The following GALNT17 variants were observed in gnomAD, a reference collection of about 807,000 sequenced individuals.
GALNT17 encodes the protein polypeptide N-acetylgalactosaminyltransferase 17, also known as UDP-GalNAc:polypeptide N-acetylgalactosaminyltransferase-like 3.
Under a neutral mutation model 63.7 loss-of-function variants are expected in GALNT17, and 29 were observed. The observed-to-expected ratio is 0.46, with a 90% CI of 0.34 to 0.62. GALNT17 has a LOEUF of 0.62. Among genes scored for constraint, GALNT17 ranks in the 20% least tolerant of loss-of-function variants. The pLI is 0.01. For missense variants in GALNT17, 603 were observed against 799.6 expected (o/e 0.75, Z 2.97); for synonymous variants, 305 against 318.3 (o/e 0.96, Z 0.45).
intron 9 of GALNT17, among the ~76,000 whole-genome samples, chr7:71,701,362 C>A (rs1413078382): frequency 6.6e-6 from 1 of 151,984 alleles, no homozygotes; most frequent in East Asian, 1.9e-4. Context: ...TGGCAGGTGC[C>A]TGTAATCCTG....
intron 1 of GALNT17, among the ~76,000 whole-genome samples, chr7:71,301,079 GGAGTTCAA>G (rs1220275878): frequency 6.6e-6 from 1 of 152,000 alleles, no homozygotes; most frequent in Non-Finnish European, 1.5e-5. Flanking sequence ...CTTGAGCCCT[GGAGTTCAA>G]GAGCAGTCTG....
intron 5 of GALNT17, among the ~76,000 whole-genome samples, chr7:71,563,836 T>C (rs1789294701): frequency 6.6e-6 from 1 of 152,096 alleles, no homozygotes. Flanking sequence ...CCTTGACCTC[T>C]TTAAAGTGCT....
rs1789025230 is a variant in GALNT17, at chr7:71,195,236, G to A, written c.238+62196G>A. 2.6e-5 allele frequency among the ~76,000 whole-genome samples: 4 copies of A among 152,076 alleles called. No individual in the cohort carries two copies. In the South Asian group the frequency reaches 8.3e-4, roughly 32 times the overall value. ...TGATTTTATTTATTTATTTTTTTCA[G>A]ATGAAGCCTCTCTCTGTTGCCCACG... On this transcript the variant is annotated intron_variant, in intron 1 of 10. Coordinates refer to ENST00000333538, the MANE Select transcript of GALNT17 (RefSeq NM_022479.3).
intron 9 of GALNT17, among the ~76,000 whole-genome samples, chr7:71,694,153 A>T (rs1211761996): frequency 3.3e-5 from 5 of 151,966 alleles, no homozygotes; most frequent in Non-Finnish European, 5.9e-5. Context: ...CCTTTATAAA[A>T]CCATCAGATC....
intron 1 of GALNT17, among the ~76,000 whole-genome samples, chr7:71,259,862 C>T (rs534783581): frequency 1.6e-4 from 25 of 151,882 alleles, no homozygotes; most frequent in African/African-American, 5.8e-4. Context: ...AGGATGGTCT[C>T]GATCTCCTGA....
intron 5 of GALNT17, among the ~76,000 whole-genome samples, chr7:71,501,116 C>T (rs781571754): frequency 9.6e-4 from 146 of 151,810 alleles, no homozygotes; most frequent in Non-Finnish European, 1.1e-3. Flanking sequence ...ATTACACGCG[C>T]TACCACCATG....
rs59163644 is a variant in GALNT17, at chr7:71,148,860, TTATATATATA to T, written c.238+15844_238+15853del. ...GAAATACAGTAGTATTATGGTATTT[TTATATATATA>T]TATATATATATATATATATATATGT... On this transcript the variant is annotated intron_variant, in intron 1 of 10. Coordinates refer to ENST00000333538, the MANE Select transcript of GALNT17 (RefSeq NM_022479.3). Among the ~76,000 whole-genome samples, 441 of 103,268 alleles carry T rather than the reference TTATATATATA, an allele frequency of 4.3e-3. 10 individuals are homozygous for T. Among genetic ancestry groups the T allele is most frequent in the African/African-American group, 0.016 (406 of 25,478 alleles). 67.7% of individuals were successfully genotyped at this position (103,268 alleles called of 152,430 possible). A position where few individuals can be genotyped will look rare whatever the true frequency, so the allele number is the denominator to read the frequency against.
At chr7:71,366,362 C>T (rs1792507789) in intron 2 of GALNT17, among the ~76,000 whole-genome samples, 1 of 152,088 alleles carries the variant, frequency 6.6e-6, no homozygotes, top group African/African-American at 2.4e-5. Context: ...GCGAGTGGAT[C>T]ACGAAGTCAA....
At chr7:71,239,295 AC>A (rs35429124) in intron 1 of GALNT17, among the ~76,000 whole-genome samples, 33 of 137,192 alleles carry the variant, frequency 2.4e-4, no homozygotes, top group African/African-American at 5.8e-4. Flanking sequence ...CCCTGTCTGT[AC>A]CCCCCCCCAA....
At chr7:71,306,709 T>G (rs1791306110) in intron 1 of GALNT17, among the ~76,000 whole-genome samples, 1 of 152,236 alleles carries the variant, frequency 6.6e-6, no homozygotes, top group Admixed American at 6.5e-5. Context: ...CTCTTTTGTT[T>G]ATTCATCTGT....
intron 6 of GALNT17, among the ~76,000 whole-genome samples, chr7:71,641,234 G>T (rs1790598465): frequency 6.6e-6 from 1 of 152,144 alleles, no homozygotes; most frequent in Admixed American, 6.5e-5. Flanking sequence ...TATATGTGGT[G>T]GGAAAGAGAA....
intron 1 of GALNT17, among the ~76,000 whole-genome samples, chr7:71,265,333 G>C (rs906903459): frequency 1.3e-5 from 2 of 151,010 alleles, no homozygotes; most frequent in Non-Finnish European, 2.9e-5. Flanking sequence ...CACCATATCG[G>C]CCAGGCTGCT....
intron 1 of GALNT17, among the ~76,000 whole-genome samples, chr7:71,212,379 G>T (rs1431371336): frequency 6.6e-6 from 1 of 152,242 alleles, no homozygotes; most frequent in African/African-American, 2.4e-5. Flanking sequence ...AAACCTGGAT[G>T]CCCAGGCAAA....
chr7:71,227,100 G>A (rs1285583914), intron 1 of GALNT17, among the ~76,000 whole-genome samples: 1 of 149,444 alleles, frequency 6.7e-6, no homozygotes, highest in Non-Finnish European at 1.5e-5. Flanking sequence ...CACTTTGGGA[G>A]GCCGAGGTGG....
chr7:71,636,851 G>C (rs796543094), intron 6 of GALNT17, among the ~76,000 whole-genome samples: 46 of 152,294 alleles, frequency 3.0e-4, no homozygotes, highest in African/African-American at 9.6e-4. Flanking sequence ...TGGTACAAGA[G>C]GTAAAACAGT....
intron 5 of GALNT17, among the ~76,000 whole-genome samples, chr7:71,487,940 G>A (rs1787940324): frequency 6.6e-6 from 1 of 152,100 alleles, no homozygotes; most frequent in East Asian, 1.9e-4. Flanking sequence ...GGCTGGGGCA[G>A]GAGGATCACT....
intron 2 of GALNT17, among the ~76,000 whole-genome samples, chr7:71,372,730 T>C (rs1792647698): frequency 6.6e-6 from 1 of 152,256 alleles, no homozygotes; most frequent in South Asian, 2.1e-4. Context: ...GCTGAAATTA[T>C]AGATGTGAGC....
chr7:71,281,605 A>C (rs1790778236), intron 1 of GALNT17, among the ~76,000 whole-genome samples: 1 of 152,134 alleles, frequency 6.6e-6, no homozygotes, highest in African/African-American at 2.4e-5. Flanking sequence ...ATCATCCCTT[A>C]TTATTTGTTA....
intron 3 of GALNT17, among the ~76,000 whole-genome samples, chr7:71,396,599 G>A (rs1563062529): frequency 6.6e-6 from 1 of 151,884 alleles, no homozygotes; most frequent in Non-Finnish European, 1.5e-5. Context: ...GTCTATTCTG[G>A]GTTCCTTGCA....
Sources: gnomAD v4.1 joint callset for allele counts (sites outside exome capture counted in the v4.1 genomes callset) on GRCh38, gnomAD v4.1.1 for gene constraint, MANE v1.5 for transcripts, NCBI Gene and HGNC (gene_info 2026-07-23, HGNC 2026-07-21) for gene names.